The following CNTNAP2 variants were observed in gnomAD, a reference collection of about 807,000 sequenced individuals.
CNTNAP2 encodes the protein contactin-associated protein-like 2.
CNTNAP2 carries 98 observed loss-of-function variants against 155.2 expected under a neutral mutation model. The ratio of observed to expected loss-of-function variants is 0.63; its 90% CI spans 0.54 to 0.75. The LOEUF is 0.75. Among genes scored for constraint, CNTNAP2 ranks in the 30% least tolerant of loss-of-function variants. The probability of loss-of-function intolerance (pLI) is 0.00; values close to 1 mark genes in which losing one functional copy is unlikely to be tolerated. For synonymous variants in CNTNAP2, 651 were observed against 631.2 expected (o/e 1.03, Z -0.47); for missense variants, 1,727 against 1,688.1 (o/e 1.02, Z -0.40).
At chr7:147,654,363 G>A (rs549168107) in intron 13 of CNTNAP2, among the ~76,000 whole-genome samples, 27 of 152,272 alleles carry the variant, frequency 1.8e-4, no homozygotes, top group Middle Eastern at 3.4e-3. Context: ...ACCTGATGAC[G>A]AAGGTATAAG....
At chr7:147,276,370 C>G (rs558270874) in intron 8 of CNTNAP2, among the ~76,000 whole-genome samples, 1 of 151,944 alleles carries the variant, frequency 6.6e-6, no homozygotes, top group African/African-American at 2.4e-5. Context: ...CAAGCAAAAT[C>G]TTTTAAGAAA....
At chr7:147,213,295 T>A (rs1803197150) in intron 8 of CNTNAP2, among the ~76,000 whole-genome samples, 1 of 152,172 alleles carries the variant, frequency 6.6e-6, no homozygotes, top group South Asian at 2.1e-4. Flanking sequence ...ATGGATTAAA[T>A]AATGTCTATC....
intron 8 of CNTNAP2, among the ~76,000 whole-genome samples, chr7:147,136,294 C>T (rs1167511302): frequency 6.6e-6 from 1 of 151,940 alleles, no homozygotes; most frequent in African/African-American, 2.4e-5. Context: ...TGTCCTAAAT[C>T]AGCTGTTTTC....
chr7:147,121,205 A>G, intron 6 of CNTNAP2, 42 bp downstream of exon 6: 1 of 1,572,938 alleles, frequency 6.4e-7, no homozygotes, highest in South Asian at 1.1e-5. Context: ...ATGTCAAGCA[A>G]TTGTGTCACT....
At position 146,163,585 on chromosome 7, in the gene CNTNAP2, C is replaced by CTATCTATATATATATA. The variant is rs1354076042; in HGVS notation, c.97+46615_97+46616insCTATATATATATATAT. Among the ~76,000 whole-genome samples, 684 of 91,170 alleles carry CTATCTATATATATATA rather than the reference C, an allele frequency of 7.5e-3. 5 individuals are homozygous for CTATCTATATATATATA. The highest frequency in any genetic ancestry group is 0.024 in the African/African-American group (604 of 24,926). 59.8% of individuals were successfully genotyped at this position (91,170 alleles called of 152,430 possible). ...TATCTATCTATATCTATCTATCTAT[C>CTATCTATATATATATA]TATATATATATATATATCAGGGCGT... is the stretch of plus-strand genomic sequence containing the variant. On this transcript the variant is annotated intron_variant, in intron 1 of 23. Coordinates refer to ENST00000361727, the MANE Select transcript of CNTNAP2 (RefSeq NM_014141.6).
intron 3 of CNTNAP2, among the ~76,000 whole-genome samples, chr7:147,000,399 T>G (rs1001828711): frequency 6.6e-6 from 1 of 152,116 alleles, no homozygotes; most frequent in Non-Finnish European, 1.5e-5. Context: ...TGTTGCCAAT[T>G]ACTTTTGTCC....
intron 8 of CNTNAP2, among the ~76,000 whole-genome samples, chr7:147,279,600 G>T (rs1347445590): frequency 6.6e-6 from 1 of 151,624 alleles, no homozygotes. Flanking sequence ...TTATTATTAA[G>T]TGCCTAGTTA....
At chr7:146,815,242 A>G (rs1803142417) in intron 2 of CNTNAP2, among the ~76,000 whole-genome samples, 1 of 152,178 alleles carries the variant, frequency 6.6e-6, no homozygotes, top group Non-Finnish European at 1.5e-5. Context: ...ATAATTCAGT[A>G]GAAGACATAA....
intron 1 of CNTNAP2, among the ~76,000 whole-genome samples, chr7:146,543,357 A>G (rs1797982213): frequency 6.6e-6 from 1 of 151,918 alleles, no homozygotes; most frequent in Admixed American, 6.6e-5. Flanking sequence ...TTTGACATAC[A>G]TAAACCTCAG....
At chr7:148,217,207 AT>A in intron 18 of CNTNAP2, 80 bp from the exon 19 acceptor site, 1 of 1,418,788 alleles carries the variant, frequency 7.0e-7, no homozygotes, top group Non-Finnish European at 1.0e-6. Context: ...CCTGCACTCC[AT>A]GAACTGCTGG....
intron 4 of CNTNAP2, among the ~76,000 whole-genome samples, chr7:147,060,888 G>GA (rs142345988): frequency 0.038 from 5,488 of 146,106 alleles, no homozygotes; most frequent in African/African-American, 0.12. Flanking sequence ...AAAAGAAAAA[G>GA]AAAAAAACTG....
intron 15 of CNTNAP2, among the ~76,000 whole-genome samples, chr7:148,092,075 G>C (rs980354592): frequency 1.3e-5 from 2 of 152,210 alleles, no homozygotes; most frequent in African/African-American, 4.8e-5. Flanking sequence ...TATTTTGCCA[G>C]TGATTTAACT....
chr7:147,267,102 T>G (rs1277589895), intron 8 of CNTNAP2, among the ~76,000 whole-genome samples: 1 of 152,166 alleles, frequency 6.6e-6, no homozygotes, highest in South Asian at 2.1e-4. Context: ...GATTTCTGAT[T>G]ATCAGGACAA....
intron 2 of CNTNAP2, among the ~76,000 whole-genome samples, chr7:146,781,249 A>G (rs1220057203): frequency 6.6e-6 from 1 of 151,656 alleles, no homozygotes; most frequent in Non-Finnish European, 1.5e-5. Flanking sequence ...AACAAAAAAA[A>G]AACACCCTAG....
intron 1 of CNTNAP2, among the ~76,000 whole-genome samples, chr7:146,159,984 T>G (rs1584779003): frequency 6.6e-6 from 1 of 151,580 alleles, no homozygotes; most frequent in Non-Finnish European, 1.5e-5. Context: ...GATCACACAG[T>G]TTGAAGTAAA....
At chr7:147,385,311 A>T (rs1796606619) in intron 9 of CNTNAP2, among the ~76,000 whole-genome samples, 1 of 152,074 alleles carries the variant, frequency 6.6e-6, no homozygotes, top group South Asian at 2.1e-4. Context: ...AAAACCAATC[A>T]TGCCTTCCCA....
intron 13 of CNTNAP2, among the ~76,000 whole-genome samples, chr7:147,704,062 A>G (rs1249831997): frequency 6.6e-6 from 1 of 152,154 alleles, no homozygotes; most frequent in Non-Finnish European, 1.5e-5. Context: ...GCCAAATATT[A>G]GGTTGGCACA....
In CNTNAP2 at chr7:148,210,664, A is replaced by G. The variant is rs547485151; in HGVS notation, c.3011-6624A>G. 7.2e-5 allele frequency among the ~76,000 whole-genome samples: 11 copies of G among 152,348 alleles called. 1 individual carries two copies. The highest frequency in any genetic ancestry group is 4.1e-4 in the South Asian group (2 of 4,830). ...GATTCAGACACTTAAAGCTTATTAC[A>G]TAGAAACTGACCTAGAAGTGACCGG... On this transcript the variant is annotated intron_variant, in intron 18 of 23. Transcript: ENST00000361727.
intron 10 of CNTNAP2, among the ~76,000 whole-genome samples, chr7:147,412,564 T>A (rs1797123247): frequency 6.6e-6 from 1 of 152,198 alleles, no homozygotes; most frequent in East Asian, 1.9e-4. Flanking sequence ...AGGCCTGAGC[T>A]CATGCCCCAC....
Sources: allele counts gnomAD v4.1 joint callset (sites outside exome capture counted in the v4.1 genomes callset), GRCh38; gene constraint gnomAD v4.1.1; transcripts MANE v1.5; gene names NCBI Gene and HGNC (gene_info 2026-07-23, HGNC 2026-07-21).